CDK19: variants seen among roughly 807,000 people sequenced by gnomAD.
CDK19 encodes cyclin dependent kinase 19, also known as cyclin-dependent kinase 19.
A neutral mutation model predicts 68.3 loss-of-function variants in CDK19; 20 were observed. The observed-to-expected ratio is 0.29, with a 90% CI of 0.21 to 0.43. The LOEUF is 0.43. CDK19 is among the 20% of genes least tolerant of loss of function. CDK19 has a pLI of 1.00. For synonymous variants in CDK19, 221 were observed against 222.8 expected (o/e 0.99, Z 0.07); for missense variants, 339 against 623.5 (o/e 0.54, Z 4.86).
intron 2 of CDK19, among the ~76,000 whole-genome samples, chr6:110,714,665 G>T (rs1195636465): frequency 6.6e-6 from 1 of 150,600 alleles, no homozygotes; most frequent in Non-Finnish European, 1.5e-5. Context: ...ATGACGTTGA[G>T]CATCTTTTCA....
At chr6:110,698,861 C>T (rs914155527) in intron 2 of CDK19, among the ~76,000 whole-genome samples, 11 of 151,778 alleles carry the variant, frequency 7.2e-5, no homozygotes, top group African/African-American at 2.7e-4. Context: ...GGCAGATTTC[C>T]GGAGCTCAGG....
At chr6:110,731,732 C>T (rs1776774568) in intron 2 of CDK19, among the ~76,000 whole-genome samples, 1 of 152,176 alleles carries the variant, frequency 6.6e-6, no homozygotes, top group East Asian at 1.9e-4. Flanking sequence ...GAGACTTATA[C>T]TGACAGTCAT....
At chr6:110,642,225 C>T (rs964125746) in intron 4 of CDK19, among the ~76,000 whole-genome samples, 3 of 150,952 alleles carry the variant, frequency 2.0e-5, no homozygotes, top group African/African-American at 4.9e-5. Context: ...CGCTTGAACC[C>T]GGAAAGCGGG....
intron 2 of CDK19, chr6:110,706,914 C>T (rs747583551): frequency 6.3e-6 from 1 of 158,360 alleles, no homozygotes; most frequent in Non-Finnish European, 1.4e-5. Flanking sequence ...AGCAGTGCTA[C>T]TCCTCTTTCC....
At chr6:110,641,171 C>A (rs983639589) in intron 4 of CDK19, among the ~76,000 whole-genome samples, 2 of 151,680 alleles carry the variant, frequency 1.3e-5, no homozygotes, top group African/African-American at 2.4e-5. Flanking sequence ...AAAAAAAAAA[C>A]TATTTATCAA....
chr6:110,737,261 T>C (rs1221183018), intron 2 of CDK19, among the ~76,000 whole-genome samples: 1 of 152,224 alleles, frequency 6.6e-6, no homozygotes, highest in Non-Finnish European at 1.5e-5. Context: ...CAGAAACTGA[T>C]GAGCAAAGCT....
chr6:110,683,438 T>C (rs1358513141), intron 2 of CDK19, among the ~76,000 whole-genome samples: 1 of 152,094 alleles, frequency 6.6e-6, no homozygotes, highest in Non-Finnish European at 1.5e-5. Flanking sequence ...TGAGGCTGAG[T>C]TGGAAAATGC....
chr6:110,771,574 C>T (rs1247316635), intron 1 of CDK19, among the ~76,000 whole-genome samples: 1 of 152,202 alleles, frequency 6.6e-6, no homozygotes, highest in Non-Finnish European at 1.5e-5. Flanking sequence ...TCTGGAGACA[C>T]TTTCCCCATT....
chr6:110,728,672 G>A (rs1448890852), intron 2 of CDK19, among the ~76,000 whole-genome samples: 1 of 152,046 alleles, frequency 6.6e-6, no homozygotes, highest in Non-Finnish European at 1.5e-5. Flanking sequence ...CTGTTAGGGG[G>A]TCTTCCCCTC....
intron 1 of CDK19, among the ~76,000 whole-genome samples, chr6:110,768,073 A>C (rs1779718031): frequency 6.6e-6 from 1 of 152,212 alleles, no homozygotes. Context: ...CAACTCAATT[A>C]AAAAATAAGC....
intron 2 of CDK19, among the ~76,000 whole-genome samples, chr6:110,694,429 A>T (rs529127904): frequency 6.6e-6 from 1 of 152,364 alleles, no homozygotes; most frequent in East Asian, 1.9e-4. Context: ...GACATTATAT[A>T]ATGATAAAAG....
chr6:110,770,795 T>C (rs1037837118), intron 1 of CDK19, among the ~76,000 whole-genome samples: 5 of 151,968 alleles, frequency 3.3e-5, no homozygotes, highest in Non-Finnish European at 7.4e-5. Context: ...CTAGATACAA[T>C]GGGGTACAGG....
At chr6:110,792,254 C>T (rs1781649288) in intron 1 of CDK19, among the ~76,000 whole-genome samples, 1 of 152,130 alleles carries the variant, frequency 6.6e-6, no homozygotes, top group Admixed American at 6.5e-5. Flanking sequence ...CAGGCGTGAG[C>T]CACCGCGCCT....
Position 110,815,264 on chromosome 6 carries a change from G to A in CDK19, c.-128C>T, listed in dbSNP as rs75406312. The A allele has an allele frequency of 2.8e-6, 3 of 1,076,696 alleles. No individual in the cohort carries two copies. The highest frequency in any genetic ancestry group is 4.3e-5 in the Admixed American group (1 of 23,018). The allele number at this position is 1,076,696 out of a possible 1,614,324, so 66.7% of individuals were successfully genotyped here. ...TCTCGCGCGCGCGCGCGCGCCGCCC[G>A]CCGCCCGCCGCTCCGCGGTCCGCCT... On this transcript the variant is annotated 5_prime_UTR_variant, in exon 1 of 13. Transcript: ENST00000368911.
chr6:110,800,933 T>C (rs1782298000), intron 1 of CDK19, among the ~76,000 whole-genome samples: 1 of 151,720 alleles, frequency 6.6e-6, no homozygotes, highest in African/African-American at 2.4e-5. Context: ...CAATACAGTA[T>C]TGGAAGCCCT....
intron 2 of CDK19, among the ~76,000 whole-genome samples, chr6:110,731,997 C>T (rs1188053294): frequency 2.0e-5 from 3 of 152,068 alleles, no homozygotes; most frequent in African/African-American, 7.2e-5. Flanking sequence ...ATATAATCTT[C>T]TATATCTTTC....
chr6:110,678,695 A>C (rs1209749995), intron 2 of CDK19, among the ~76,000 whole-genome samples: 1 of 152,238 alleles, frequency 6.6e-6, no homozygotes, highest in African/African-American at 2.4e-5. Flanking sequence ...ACTCAGGTAG[A>C]AAAATTATTT....
chr6:110,706,404 G>GTTTTTTTTTGTT (rs1774482635), intron 2 of CDK19: 1 of 71,064 alleles, frequency 1.4e-5, no homozygotes, highest in African/African-American at 4.8e-5. Context: ...TAACACTGTT[G>GTTTTTTTTTGTT]TTTTTTTTTT....
At chr6:110,803,436 C>T (rs955740405) in intron 1 of CDK19, among the ~76,000 whole-genome samples, 4 of 152,120 alleles carry the variant, frequency 2.6e-5, no homozygotes, top group African/African-American at 9.7e-5. Flanking sequence ...CCATGTGTAA[C>T]CATTGTTTCA....
Sources: allele counts gnomAD v4.1 joint callset (sites outside exome capture counted in the v4.1 genomes callset), GRCh38; gene constraint gnomAD v4.1.1; transcripts MANE v1.5; gene names NCBI Gene and HGNC (gene_info 2026-07-23, HGNC 2026-07-21).